FER: variants seen among roughly 807,000 people sequenced by gnomAD.
The protein encoded by FER is tyrosine-protein kinase Fer.
Under a neutral mutation model 111.0 loss-of-function variants are expected in FER, and 63 were observed. That is an observed-to-expected ratio of 0.57 (90% CI 0.46 to 0.70). The LOEUF is 0.70. Ranked by LOEUF, FER falls within the 30% of genes least tolerant of loss-of-function variation. The pLI is 0.00. For synonymous variants in FER, 327 were observed against 313.9 expected (o/e 1.04, Z -0.44); for missense variants, 914 against 954.0 (o/e 0.96, Z 0.55).
intron 2 of FER, among the ~76,000 whole-genome samples, chr5:108,768,516 T>C (rs1022492759): frequency 4.6e-5 from 7 of 152,182 alleles, no homozygotes; most frequent in Admixed American, 4.6e-4. Context: ...TGCCCACCAG[T>C]CCTATATTTT....
intron 10 of FER, among the ~76,000 whole-genome samples, chr5:108,900,691 C>T (rs903828091): frequency 7.2e-5 from 11 of 152,030 alleles, no homozygotes; most frequent in East Asian, 1.9e-4. Flanking sequence ...ACCGACTCTT[C>T]GGTGGTGAAT....
intron 17 of FER, among the ~76,000 whole-genome samples, chr5:109,112,130 A>G (rs1418444147): frequency 6.6e-6 from 1 of 151,854 alleles, no homozygotes; most frequent in African/African-American, 2.4e-5. Context: ...CCTACCTCAC[A>G]GTCACTGTTT....
chr5:108,826,185 C>G (rs1759449755), intron 3 of FER, among the ~76,000 whole-genome samples: 1 of 152,134 alleles, frequency 6.6e-6, no homozygotes, highest in Non-Finnish European at 1.5e-5. Context: ...TTGACACGAT[C>G]ACATGAAGTT....
At chr5:108,767,548 G>C (rs1270330732) in intron 1 of FER, among the ~76,000 whole-genome samples, 4 of 152,258 alleles carry the variant, frequency 2.6e-5, no homozygotes, top group Middle Eastern at 3.4e-3. Flanking sequence ...GCAGTGGCAT[G>C]ATCATGGCTC....
At chr5:109,043,984 A>G (rs575975407) in intron 14 of FER, among the ~76,000 whole-genome samples, 33 of 152,188 alleles carry the variant, frequency 2.2e-4, no homozygotes, top group African/African-American at 7.7e-4. Context: ...AAAAAAAGAA[A>G]AAAAAGTTTG....
intron 5 of FER, among the ~76,000 whole-genome samples, chr5:108,844,997 T>TAC (rs1761761937): frequency 1.7e-4 from 2 of 11,962 alleles, no homozygotes; most frequent in Non-Finnish European, 3.4e-4. Flanking sequence ...TGTGTGTGTG[T>TAC]ATATATATAT....
intron 17 of FER, among the ~76,000 whole-genome samples, chr5:109,160,361 G>T (rs963083333): frequency 3.3e-5 from 5 of 152,090 alleles, no homozygotes; most frequent in African/African-American, 1.2e-4. Flanking sequence ...AACTGGTTCA[G>T]TTCATTTTCT....
intron 10 of FER, among the ~76,000 whole-genome samples, chr5:108,914,895 G>A (rs1011056299): frequency 7.2e-5 from 11 of 152,180 alleles, no homozygotes; most frequent in Non-Finnish European, 1.3e-4. Context: ...AAAAGCTCTT[G>A]AAATTTTGGA....
chr5:108,911,932 C>T (rs1044317143), intron 10 of FER, among the ~76,000 whole-genome samples: 2 of 152,118 alleles, frequency 1.3e-5, no homozygotes, highest in Non-Finnish European at 2.9e-5. Flanking sequence ...CGTGTTGTGG[C>T]AGGTACCTGG....
chr5:108,803,638 G>T (rs954048917), intron 3 of FER, among the ~76,000 whole-genome samples: 3 of 146,734 alleles, frequency 2.0e-5, no homozygotes, highest in African/African-American at 7.8e-5. Context: ...ATGGCTGTAG[G>T]TTTGCATTTT....
intron 16 of FER, among the ~76,000 whole-genome samples, chr5:109,075,745 C>T (rs1225071097): frequency 6.6e-6 from 1 of 151,982 alleles, no homozygotes; most frequent in Admixed American, 6.6e-5. Flanking sequence ...TTAATATGTA[C>T]CTGTCTACCA....
chr5:108,918,490 CTTTTTTT>C (rs977392132), intron 10 of FER, among the ~76,000 whole-genome samples: 2 of 135,892 alleles, frequency 1.5e-5, no homozygotes, highest in African/African-American at 5.4e-5. Context: ...TGTGTTTTTT[CTTTTTTT>C]TTTTTTTGAG....
At chr5:109,077,935 A>C (rs1185648061) in intron 16 of FER, among the ~76,000 whole-genome samples, 1 of 152,128 alleles carries the variant, frequency 6.6e-6, no homozygotes, top group African/African-American at 2.4e-5. Context: ...TATAATTTCC[A>C]CTTTACACAG....
chr5:109,051,829 A>G, intron 16 of FER: 1 of 1,597,066 alleles, frequency 6.3e-7, no homozygotes, highest in South Asian at 1.1e-5. Context: ...CAGCATGAAG[A>G]TGATGAAGAT....
intron 3 of FER, among the ~76,000 whole-genome samples, chr5:108,805,919 A>G (rs1305256582): frequency 6.6e-6 from 1 of 152,202 alleles, no homozygotes; most frequent in Non-Finnish European, 1.5e-5. Context: ...GAAATTCAAG[A>G]AATTTGCATA....
chr5:108,986,362 T>C (rs909318958), intron 13 of FER, among the ~76,000 whole-genome samples: 1 of 152,022 alleles, frequency 6.6e-6, no homozygotes, highest in Non-Finnish European at 1.5e-5. Flanking sequence ...TTCAGATGTA[T>C]AGATTGTGAA....
intron 13 of FER, among the ~76,000 whole-genome samples, chr5:108,974,272 T>C (rs1386996860): frequency 1.3e-5 from 2 of 152,060 alleles, no homozygotes; most frequent in African/African-American, 2.4e-5. Flanking sequence ...CCAGAGGAAT[T>C]TTATGGTATT....
intron 17 of FER, among the ~76,000 whole-genome samples, chr5:109,123,157 G>GT (rs747514879): frequency 0.057 from 7,027 of 124,046 alleles, 404 homozygotes; most frequent in East Asian, 0.11. Flanking sequence ...TTCCTGTCTT[G>GT]TTTTTTTTTT....
At chr5:109,125,895 G>A (rs1482673660) in intron 17 of FER, among the ~76,000 whole-genome samples, 1 of 152,144 alleles carries the variant, frequency 6.6e-6, no homozygotes, top group Non-Finnish European at 1.5e-5. Flanking sequence ...ACTGTTTCGG[G>A]ACTCTTTGTT....
Sources: allele counts gnomAD v4.1 joint callset (sites outside exome capture counted in the v4.1 genomes callset), GRCh38; gene constraint gnomAD v4.1.1; transcripts MANE v1.5; gene names NCBI Gene and HGNC (gene_info 2026-07-23, HGNC 2026-07-21).